The following RARB variants were observed in gnomAD, a reference collection of about 807,000 sequenced individuals.
The protein encoded by RARB is HBV-activated protein.
Under a neutral mutation model 51.9 loss-of-function variants are expected in RARB, and 17 were observed. The observed-to-expected ratio is 0.33, with a 90% CI of 0.22 to 0.49. RARB has a LOEUF of 0.49. Ranked by LOEUF, RARB falls within the 20% of genes least tolerant of loss-of-function variation. The pLI is 0.99. For missense variants in RARB, 369 were observed against 550.8 expected (o/e 0.67, Z 3.30); for synonymous variants, 215 against 195.4 (o/e 1.10, Z -0.84).
chr3:24,985,349 G>GTTTTTTTTTTTTTTTTTTTTT (rs10715822), intron 2 of RARB, among the ~76,000 whole-genome samples: 1 of 131,274 alleles, frequency 7.6e-6, no homozygotes. Flanking sequence ...TGGTTTTTTT[G>GTTTTTTTTTTTTTTTTTTTTT]TTTTTTTTTT....
intron 5 of RARB, among the ~76,000 whole-genome samples, chr3:25,384,025 G>T (rs568319628): frequency 1.3e-5 from 2 of 152,216 alleles, no homozygotes; most frequent in South Asian, 2.1e-4. Flanking sequence ...TTTTAGTTGG[G>T]TGTTTAGAGT....
intron 2 of RARB, among the ~76,000 whole-genome samples, chr3:25,471,266 T>C (rs1422777208): frequency 6.6e-6 from 1 of 152,174 alleles, no homozygotes; most frequent in Non-Finnish European, 1.5e-5. Flanking sequence ...TCTGATACTA[T>C]CTTTAGGCAA....
chr3:24,996,447 C>A (rs1312025505), intron 2 of RARB, among the ~76,000 whole-genome samples: 2 of 151,862 alleles, frequency 1.3e-5, no homozygotes, highest in African/African-American at 4.8e-5. Context: ...CTTTTCTAAT[C>A]TCAATTCTGT....
intron 4 of RARB, 100 bp downstream of exon 4, chr3:25,570,018 AC>A: frequency 9.5e-7 from 1 of 1,056,842 alleles, no homozygotes; most frequent in Non-Finnish European, 1.3e-6. Context: ...ACACACACAC[AC>A]ACTTTGCACT....
intron 2 of RARB, chr3:25,025,045 A>G (rs1215164085): frequency 1.3e-5 from 2 of 151,936 alleles, no homozygotes; most frequent in Non-Finnish European, 2.9e-5. Flanking sequence ...ATCTCATCTG[A>G]TCTCAGAAGT....
chr3:25,065,385 AAT>A (rs1698641186), intron 3 of RARB, among the ~76,000 whole-genome samples: 1 of 152,196 alleles, frequency 6.6e-6, no homozygotes, highest in Admixed American at 6.5e-5. Context: ...TAAAAATCTG[AAT>A]ATGTTTTGAT....
At chr3:25,351,679 A>G (rs1336126512) in intron 5 of RARB, among the ~76,000 whole-genome samples, 1 of 152,156 alleles carries the variant, frequency 6.6e-6, no homozygotes, top group African/African-American at 2.4e-5. Context: ...AGCATTTTAA[A>G]TATTTCTGTT....
At chr3:25,179,246 T>G (rs1375760398) in intron 5 of RARB, among the ~76,000 whole-genome samples, 1 of 152,218 alleles carries the variant, frequency 6.6e-6, no homozygotes, top group African/African-American at 2.4e-5. Flanking sequence ...GGTGTGCTGA[T>G]CGATTGAATT....
intron 2 of RARB, among the ~76,000 whole-genome samples, chr3:24,969,295 G>GC (rs1696343127): frequency 1.3e-5 from 2 of 152,016 alleles, no homozygotes; most frequent in South Asian, 4.1e-4. Context: ...AAAAAGCTAA[G>GC]CCTAGTGCCC....
chr3:25,310,823 C>T (rs1704272091), intron 5 of RARB, among the ~76,000 whole-genome samples: 1 of 152,158 alleles, frequency 6.6e-6, no homozygotes, highest in African/African-American at 2.4e-5. Flanking sequence ...CAGGCAGTGC[C>T]CGTGTCAGTG....
At chr3:25,232,387 CTA>C (rs1702199460) in intron 5 of RARB, among the ~76,000 whole-genome samples, 1 of 151,928 alleles carries the variant, frequency 6.6e-6, no homozygotes, top group Non-Finnish European at 1.5e-5. Flanking sequence ...TGCATTGAAT[CTA>C]TAGATTCATT....
At chr3:25,178,726 G>A (rs544863245) in intron 5 of RARB, among the ~76,000 whole-genome samples, 10 of 152,228 alleles carry the variant, frequency 6.6e-5, no homozygotes, top group Admixed American at 2.6e-4. Context: ...ATCAGTTTTC[G>A]TCACAATGGA....
chr3:25,347,958 T>C (rs1160250054), intron 5 of RARB, among the ~76,000 whole-genome samples: 1 of 152,182 alleles, frequency 6.6e-6, no homozygotes, highest in Non-Finnish European at 1.5e-5. Flanking sequence ...TACTTCCAAT[T>C]AGTCTAGATT....
intron 2 of RARB, among the ~76,000 whole-genome samples, chr3:24,903,459 G>T (rs188187726): frequency 6.6e-6 from 1 of 151,994 alleles, no homozygotes; most frequent in Non-Finnish European, 1.5e-5. Context: ...TTATATATTT[G>T]TAATCACAAT....
intron 2 of RARB, among the ~76,000 whole-genome samples, chr3:24,974,232 T>C (rs1389759384): frequency 2.6e-5 from 4 of 152,090 alleles, no homozygotes; most frequent in Non-Finnish European, 5.9e-5. Flanking sequence ...CTTGGTTCTG[T>C]TATTTATTGA....
intron 2 of RARB, among the ~76,000 whole-genome samples, chr3:25,002,948 T>C (rs146017296): frequency 1.3e-5 from 2 of 151,916 alleles, no homozygotes; most frequent in East Asian, 3.9e-4. Context: ...ATGATTATGA[T>C]TACTTTACAA....
intron 5 of RARB, among the ~76,000 whole-genome samples, chr3:25,210,529 C>CTTATTTTTTTTTTTTTTTT (rs1701666787): frequency 3.6e-5 from 1 of 27,618 alleles, no homozygotes; most frequent in Non-Finnish European, 8.7e-5. Flanking sequence ...TTATCTGATT[C>CTTATTTTTTTTTTTTTTTT]TTTTTTTTTT....
At chr3:25,041,588 T>C (rs952754144) in intron 2 of RARB, among the ~76,000 whole-genome samples, 9 of 151,484 alleles carry the variant, frequency 5.9e-5, no homozygotes, top group African/African-American at 1.5e-4. Flanking sequence ...TGGATCAAAA[T>C]TGATGAGATA....
chr3:25,073,187 A>G (rs921174522), intron 3 of RARB, among the ~76,000 whole-genome samples: 7 of 152,198 alleles, frequency 4.6e-5, no homozygotes, highest in African/African-American at 7.2e-5. Flanking sequence ...TACAAAGGGA[A>G]TATCTCAGCC....
Sources: gnomAD v4.1 joint callset for allele counts (sites outside exome capture counted in the v4.1 genomes callset) on GRCh38, gnomAD v4.1.1 for gene constraint, MANE v1.5 for transcripts, NCBI Gene and HGNC (gene_info 2026-07-23, HGNC 2026-07-21) for gene names.